AK5: variants seen among roughly 807,000 people sequenced by gnomAD.
AK5 encodes adenylate kinase 5.
In AK5, 27 loss-of-function variants were observed where a neutral mutation model predicts 69.5. The observed-to-expected ratio is 0.39, with a 90% confidence interval of 0.29 to 0.54. The LOEUF is 0.54. AK5 is among the 20% of genes least tolerant of loss of function. The pLI is 0.71. For missense variants in AK5, 531 were observed against 700.4 expected (o/e 0.76, Z 2.73); for synonymous variants, 260 against 244.4 (o/e 1.06, Z -0.60).
intron 10 of AK5, among the ~76,000 whole-genome samples, chr1:77,514,810 A>G (rs2100300118): frequency 6.6e-6 from 1 of 152,392 alleles, no homozygotes; most frequent in East Asian, 1.9e-4. Flanking sequence ...TGCTAAAGGA[A>G]GAAAATAATT....
intron 5 of AK5, among the ~76,000 whole-genome samples, chr1:77,327,186 AG>A (rs1660847631): frequency 6.6e-6 from 1 of 152,176 alleles, no homozygotes; most frequent in Non-Finnish European, 1.5e-5. Context: ...CAGGAGTTCA[AG>A]ACCAGCCTGG....
chr1:77,523,718 G>C (rs1436421507), intron 12 of AK5, among the ~76,000 whole-genome samples: 1 of 151,996 alleles, frequency 6.6e-6, no homozygotes, highest in Non-Finnish European at 1.5e-5. Flanking sequence ...TGTTGCCCTG[G>C]CTGGAGTGCA....
chr1:77,505,733 AC>A (rs1333521072), intron 10 of AK5, among the ~76,000 whole-genome samples: 33 of 142,678 alleles, frequency 2.3e-4, no homozygotes, highest in African/African-American at 7.3e-4. Flanking sequence ...AAAAAAAAAA[AC>A]AAAAATTAGC....
intron 1 of AK5, chr1:77,282,770 C>A: frequency 9.9e-7 from 1 of 1,007,734 alleles, no homozygotes; most frequent in Non-Finnish European, 1.2e-6. Context: ...ACTGAGGGAG[C>A]CAGAGCCCTA....
intron 6 of AK5, among the ~76,000 whole-genome samples, chr1:77,403,739 C>T (rs1158675517): frequency 6.6e-6 from 1 of 152,180 alleles, no homozygotes; most frequent in Non-Finnish European, 1.5e-5. Context: ...GTGATGCCTC[C>T]AGCTTTGTTC....
intron 1 of AK5, 95 bp downstream of exon 1, chr1:77,282,468 A>T (rs1658115511): frequency 6.9e-7 from 1 of 1,445,238 alleles, no homozygotes; most frequent in Admixed American, 2.4e-5. Context: ...CCTTCCCCAC[A>T]CGGGGCATGT....
intron 12 of AK5, among the ~76,000 whole-genome samples, chr1:77,523,968 A>G (rs1658137633): frequency 6.6e-6 from 1 of 151,956 alleles, no homozygotes; most frequent in Non-Finnish European, 1.5e-5. Flanking sequence ...ACCTGCCTGA[A>G]ACTCTACCCT....
intron 10 of AK5, among the ~76,000 whole-genome samples, chr1:77,492,015 G>GA (rs1173897887): frequency 6.6e-6 from 1 of 152,058 alleles, no homozygotes; most frequent in East Asian, 1.9e-4. Flanking sequence ...TCTCAAGTCT[G>GA]AAAAAAACCA....
At chr1:77,407,618 T>C (rs1649746507) in intron 6 of AK5, among the ~76,000 whole-genome samples, 1 of 152,130 alleles carries the variant, frequency 6.6e-6, no homozygotes, top group African/African-American at 2.4e-5. Flanking sequence ...TTATAATTTG[T>C]TTTTTTAAAT....
At chr1:77,423,082 G>A (rs907967101) in intron 8 of AK5, among the ~76,000 whole-genome samples, 9 of 151,952 alleles carry the variant, frequency 5.9e-5, no homozygotes, top group Admixed American at 1.3e-4. Flanking sequence ...TTAGCCGGGC[G>A]TGGTGGTGGG....
chr1:77,306,967 G>T lies in AK5; in HGVS notation c.699+9020G>T, dbSNP rs1278871074. Among the ~76,000 whole-genome samples, 9 of 151,828 alleles carry T rather than the reference G, an allele frequency of 5.9e-5. No individual in the cohort carries two copies. The East Asian group carries it at 1.7e-3, about 29-fold the overall frequency. ...TTTCATTTCCAATTTTATTTATTTG[G>T]ATCTTGTCTCTTTTTTTTCCTAGCC... is the stretch of plus-strand genomic sequence containing the variant. On this transcript the variant is annotated intron_variant, in intron 5 of 13. Coordinates refer to ENST00000354567, the MANE Select transcript of AK5 (RefSeq NM_174858.3).
Position 77,343,730 on chromosome 1 carries a change from C to T in AK5, c.891+3162C>T, listed in dbSNP as rs184434783. The stretch of plus-strand genomic sequence containing the variant: ...GTAAATGGATGTCAAGAGCTTAAAA[C>T]GGTGTCTAGAATATTGTAAGGGTAA... On this transcript the variant is annotated intron_variant, in intron 6 of 13. Transcript: ENST00000354567. Among the ~76,000 whole-genome samples the T allele has an allele frequency of 3.9e-5, 6 of 152,256 alleles. No homozygotes were observed. In the East Asian group the frequency reaches 7.7e-4, roughly 20 times the overall value.
intron 3 of AK5, among the ~76,000 whole-genome samples, chr1:77,294,465 A>G (rs567527952): frequency 6.6e-6 from 1 of 152,282 alleles, no homozygotes; most frequent in South Asian, 2.1e-4. Flanking sequence ...AAATCAACAA[A>G]TTAAATTTTT....
At chr1:77,461,649 A>G (rs1653851040) in intron 8 of AK5, among the ~76,000 whole-genome samples, 1 of 151,874 alleles carries the variant, frequency 6.6e-6, no homozygotes, top group African/African-American at 2.4e-5. Context: ...GCGCAACTGT[A>G]ATCCCAGCTA....
chr1:77,427,200 T>A (rs2100602616), intron 8 of AK5, among the ~76,000 whole-genome samples: 1 of 150,896 alleles, frequency 6.6e-6, no homozygotes, highest in Admixed American at 6.6e-5. Context: ...AACAGAAAAC[T>A]AACAAAACCA....
chr1:77,446,076 G>A (rs1265447380), intron 8 of AK5, among the ~76,000 whole-genome samples: 1 of 151,998 alleles, frequency 6.6e-6, no homozygotes, highest in Non-Finnish European at 1.5e-5. Context: ...TTACTTTTGG[G>A]TCTCTTATCC....
chr1:77,352,374 GA>G (rs1570426700), intron 6 of AK5, among the ~76,000 whole-genome samples: 1 of 152,118 alleles, frequency 6.6e-6, no homozygotes, highest in African/African-American at 2.4e-5. Flanking sequence ...ATTAATGAAA[GA>G]AACAGAGGCC....
intron 13 of AK5, among the ~76,000 whole-genome samples, chr1:77,541,319 G>A (rs1659260635): frequency 6.6e-6 from 1 of 152,140 alleles, no homozygotes; most frequent in Non-Finnish European, 1.5e-5. Flanking sequence ...AGCCACTCAG[G>A]GGACTAAGGT....
intron 8 of AK5, among the ~76,000 whole-genome samples, chr1:77,473,642 TTGA>T (rs1654657228): frequency 1.3e-5 from 2 of 152,116 alleles, no homozygotes; most frequent in African/African-American, 4.8e-5. Context: ...TTACTATATT[TTGA>T]AAAAAGAAGC....
Sources: allele counts gnomAD v4.1 joint callset (sites outside exome capture counted in the v4.1 genomes callset), GRCh38; gene constraint gnomAD v4.1.1; transcripts MANE v1.5; gene names NCBI Gene and HGNC (gene_info 2026-07-23, HGNC 2026-07-21).